Variants in ZNF529 observed in about 807,000 individuals in gnomAD.
ZNF529 encodes the protein zinc finger protein 529.
Under a neutral mutation model 10.1 loss-of-function variants are expected in ZNF529, and 11 were observed. The observed-to-expected ratio is 1.09, with a 90% CI of 0.69 to 1.81. The LOEUF (loss-of-function observed/expected upper bound fraction) is 1.81, where lower values mean the gene tolerates loss of function less well. ZNF529 is among the 40% of genes most tolerant of loss of function. ZNF529 has a pLI of 0.00. For missense variants in ZNF529, 624 were observed against 666.8 expected (o/e 0.94, Z 0.71); for synonymous variants, 204 against 215.7 (o/e 0.95, Z 0.47).
chr19:36,547,067 C>T lies in ZNF529; in HGVS notation c.1491G>A (p.Gln497=), dbSNP rs774123182. The part of the protein sequence containing the change: ...FRHSSALTEH[Q]RIHTGEKPYE... ...AGGGTTTTTCTCCAGTATGAATTCTCTGATGTTCTGTAAGGGCTGAACTAT... is the reference window on the plus strand; with the variant it reads ...AGGGTTTTTCTCCAGTATGAATTCTTTGATGTTCTGTAAGGGCTGAACTAT... Residue 497 remains glutamine, a synonymous_variant, in exon 5 of 5, where the codon CAG becomes CAA. Transcript: ENST00000591340. The T allele has an allele frequency of 6.8e-5, 109 of 1,613,872 alleles. No homozygotes were observed. The highest frequency in any genetic ancestry group is 9.1e-5 in the Non-Finnish European group (107 of 1,179,968).
intron 2 of ZNF529, among the ~76,000 whole-genome samples, chr19:36,572,011 T>C (rs1346137409): frequency 2.0e-5 from 3 of 148,902 alleles, no homozygotes; most frequent in African/African-American, 7.5e-5. Flanking sequence ...TGTTTGCAAA[T>C]CAAGTCTGTA....
intron 1 of ZNF529, among the ~76,000 whole-genome samples, chr19:36,598,285 G>A (rs1020431976): frequency 2.0e-5 from 3 of 152,122 alleles, no homozygotes; most frequent in Non-Finnish European, 2.9e-5. Flanking sequence ...TGAGGCTGGA[G>A]GATCACTTGA....
At chr19:36,563,182 G>A (rs933959152) in intron 2 of ZNF529, among the ~76,000 whole-genome samples, 2 of 152,152 alleles carry the variant, frequency 1.3e-5, no homozygotes, top group African/African-American at 4.8e-5. Flanking sequence ...AGCACTTTGG[G>A]AGGGTGAGGC....
At chr19:36,583,404 G>T (rs748953297) in intron 2 of ZNF529, among the ~76,000 whole-genome samples, 1 of 151,624 alleles carries the variant, frequency 6.6e-6, no homozygotes, top group Non-Finnish European at 1.5e-5. Flanking sequence ...ACAGAACCAG[G>T]TTCAGCTCCA....
intron 2 of ZNF529, among the ~76,000 whole-genome samples, chr19:36,578,750 G>T (rs191079123): frequency 6.6e-6 from 1 of 151,784 alleles, no homozygotes; most frequent in East Asian, 2.0e-4. Context: ...CTGGGATTAT[G>T]CCACCACACT....
chr19:36,571,383 A>C (rs1379030360), intron 2 of ZNF529, among the ~76,000 whole-genome samples: 1 of 152,176 alleles, frequency 6.6e-6, no homozygotes, highest in African/African-American at 2.4e-5. Flanking sequence ...TCTTTTTAAA[A>C]TGTGTTTAAA....
Position 36,572,389 on chromosome 19 carries a change from A to G in ZNF529, c.-43T>C. 6.4e-7 allele frequency: 1 copy of G among 1,550,784 alleles called. No homozygotes were observed. The highest frequency in any genetic ancestry group is 8.7e-7 in the Non-Finnish European group (1 of 1,146,402). The stretch of plus-strand genomic sequence containing the variant: ...TCCACTTCAGGGGGCCTTCACTTGC[A>G]GAACTACATAACCAAGAGGGAGAAA... On this transcript the variant is annotated 5_prime_UTR_variant, in exon 2 of 5. Transcript: ENST00000591340.
chr19:36,557,000 G>T (rs1187095523), intron 2 of ZNF529, among the ~76,000 whole-genome samples: 2 of 152,174 alleles, frequency 1.3e-5, no homozygotes, highest in African/African-American at 2.4e-5. Flanking sequence ...GACAGAAACT[G>T]AGAGACACCT....
intron 2 of ZNF529, among the ~76,000 whole-genome samples, chr19:36,567,942 AT>A (rs1460484467): frequency 1.2e-4 from 19 of 152,240 alleles, no homozygotes; most frequent in Admixed American, 1.2e-3. Context: ...TCCAGAATAT[AT>A]AAAAACTCCT....
intron 2 of ZNF529, among the ~76,000 whole-genome samples, chr19:36,557,418 C>G (rs892769509): frequency 1.3e-5 from 2 of 152,150 alleles, no homozygotes; most frequent in Non-Finnish European, 2.9e-5. Context: ...CCTCAGGAAA[C>G]TTACAATCAT....
intron 2 of ZNF529, among the ~76,000 whole-genome samples, chr19:36,560,610 T>C (rs2035654098): frequency 6.6e-6 from 1 of 152,080 alleles, no homozygotes; most frequent in African/African-American, 2.4e-5. Flanking sequence ...CATAGACTTA[T>C]ATAAGGTAAA....
At chr19:36,577,822 A>G (rs2036362274), upstream of ZNF529, 1 of 152,148 alleles carries the variant, frequency 6.6e-6, no homozygotes, top group Non-Finnish European at 1.5e-5. Context: ...TGGAGAAGAG[A>G]GAGGACAAGA....
intron 2 of ZNF529, among the ~76,000 whole-genome samples, chr19:36,579,960 CATTAT>C (rs2036426898): frequency 6.6e-6 from 1 of 152,152 alleles, no homozygotes; most frequent in South Asian, 2.1e-4. Context: ...AACGCAAACA[CATTAT>C]ATAGCAACAC....
chr19:36,549,276 T>C (rs2035172777), intron 4 of ZNF529, among the ~76,000 whole-genome samples: 1 of 152,210 alleles, frequency 6.6e-6, no homozygotes, highest in South Asian at 2.1e-4. Flanking sequence ...AATACTTTTC[T>C]CTTACACCAT....
At chr19:36,561,894 CT>C (rs1266593087) in intron 2 of ZNF529, among the ~76,000 whole-genome samples, 1 of 152,242 alleles carries the variant, frequency 6.6e-6, no homozygotes, top group Non-Finnish European at 1.5e-5. Context: ...TTTGGACCTA[CT>C]TGAGACCAGT....
At chr19:36,563,146 GCGCGGTGGCTCA>G in intron 2 of ZNF529, among the ~76,000 whole-genome samples, 1 of 152,208 alleles carries the variant, frequency 6.6e-6, no homozygotes, top group African/African-American at 2.4e-5. Flanking sequence ...TGGGTGCCAG[GCGCGGTGGCTCA>G]CGCCTGTAAT....
chr19:36,576,764 C>G (rs1381477893), upstream of ZNF529, among the ~76,000 whole-genome samples: 1 of 151,666 alleles, frequency 6.6e-6, no homozygotes, highest in Non-Finnish European at 1.5e-5. Flanking sequence ...TCACTCAGCA[C>G]TCCTTTTCAC....
chr19:36,571,636 T>C (rs1254272297), intron 2 of ZNF529, among the ~76,000 whole-genome samples: 3 of 150,480 alleles, frequency 2.0e-5, no homozygotes, highest in Non-Finnish European at 2.9e-5. Flanking sequence ...GATCGCACCA[T>C]TGCGCTCCAG....
chr19:36,592,055 C>T (rs1219739827), intron 1 of ZNF529, among the ~76,000 whole-genome samples: 2 of 151,478 alleles, frequency 1.3e-5, no homozygotes, highest in Admixed American at 6.6e-5. Flanking sequence ...GGGTGGATCA[C>T]TTGAGGTCGG....
Sources: allele counts gnomAD v4.1 joint callset (sites outside exome capture counted in the v4.1 genomes callset), GRCh38; gene constraint gnomAD v4.1.1; transcripts MANE v1.5; gene names NCBI Gene and HGNC (gene_info 2026-07-23, HGNC 2026-07-21).